Variants in CACNA1C observed in about 807,000 individuals in gnomAD.
The protein encoded by CACNA1C is calcium voltage-gated channel subunit alpha1 C.
In CACNA1C, 30 loss-of-function variants were observed where a neutral mutation model predicts 229.0. The ratio of observed to expected loss-of-function variants is 0.13; its 90% CI spans 0.10 to 0.18. The LOEUF is 0.18. CACNA1C is among the 10% of genes least tolerant of loss of function. The pLI is 1.00. For missense variants in CACNA1C, 1,658 were observed against 2,845.0 expected (o/e 0.58, Z 9.49); for synonymous variants, 1,114 against 1,132.5 (o/e 0.98, Z 0.33).
At chr12:2,591,571 A>G (rs904296816) in intron 18 of CACNA1C, among the ~76,000 whole-genome samples, 2 of 152,114 alleles carry the variant, frequency 1.3e-5, no homozygotes, top group African/African-American at 4.8e-5. Context: ...GGAAAGTTGG[A>G]AGGAGGATGC....
intron 3 of CACNA1C, among the ~76,000 whole-genome samples, chr12:2,196,624 A>G (rs555359720): frequency 6.6e-6 from 1 of 152,344 alleles, no homozygotes; most frequent in South Asian, 2.1e-4. Context: ...GCAAATGGAT[A>G]ATGTAGAATT....
intron 13 of CACNA1C, among the ~76,000 whole-genome samples, chr12:2,572,655 CCT>C (rs2056336400): frequency 7.2e-6 from 1 of 138,762 alleles, no homozygotes; most frequent in Admixed American, 7.3e-5. Flanking sequence ...TCTTCCTCCT[CCT>C]CTCTTCCTCC....
chr12:2,086,026 G>A (rs1365941496), intron 1 of CACNA1C, among the ~76,000 whole-genome samples: 1 of 152,114 alleles, frequency 6.6e-6, no homozygotes, highest in Non-Finnish European at 1.5e-5. Context: ...CCCCTCCTTT[G>A]GGACTTCTTC....
intron 18 of CACNA1C, 112 bp from the exon 19 acceptor site, chr12:2,593,101 G>T: frequency 8.2e-7 from 1 of 1,212,564 alleles, no homozygotes; most frequent in Non-Finnish European, 1.1e-6. Flanking sequence ...GTCTTGGTTG[G>T]TACCCTACAT....
intron 3 of CACNA1C, among the ~76,000 whole-genome samples, chr12:2,228,022 G>A (rs1302796626): frequency 6.6e-6 from 1 of 152,180 alleles, no homozygotes; most frequent in East Asian, 1.9e-4. Flanking sequence ...GATGTCCTTA[G>A]GTGGTGGGCT....
intron 3 of CACNA1C, among the ~76,000 whole-genome samples, chr12:2,230,353 A>T (rs763726280): frequency 6.6e-6 from 1 of 152,150 alleles, no homozygotes; most frequent in Admixed American, 6.5e-5. Context: ...GTGGCGCGCA[A>T]GGTGCCTTGT....
chr12:2,324,987 GAGAGGTTAAATGACTGACAAA>G (rs1271021064), intron 3 of CACNA1C, among the ~76,000 whole-genome samples: 1 of 152,230 alleles, frequency 6.6e-6, no homozygotes, highest in African/African-American at 2.4e-5. Context: ...CTGAGGCTCA[GAGAGGTTAAATGACTGACAAA>G]AGAGGTTAAA....
chr12:2,543,875 A>G (rs989087730), intron 9 of CACNA1C, among the ~76,000 whole-genome samples: 1 of 152,206 alleles, frequency 6.6e-6, no homozygotes, highest in African/African-American at 2.4e-5. Context: ...CCAAAAGCTG[A>G]ATAATGCTTC....
intron 3 of CACNA1C, among the ~76,000 whole-genome samples, chr12:2,436,232 G>T (rs769330943): frequency 2.9e-4 from 44 of 152,340 alleles, no homozygotes; most frequent in Non-Finnish European, 5.7e-4. Flanking sequence ...TGAGACTCTG[G>T]AAAGTTCCTT....
chr12:2,572,813 TCTC>T (rs1265166936), intron 13 of CACNA1C, among the ~76,000 whole-genome samples: 7 of 87,094 alleles, frequency 8.0e-5, no homozygotes, highest in African/African-American at 2.7e-4. Flanking sequence ...CTCCTTCTCC[TCTC>T]CTCCTCCTCC....
chr12:2,046,295 T>G (rs1054408340), intron 1 of CACNA1C, among the ~76,000 whole-genome samples: 13 of 152,150 alleles, frequency 8.5e-5, no homozygotes, highest in Non-Finnish European at 2.9e-5. Context: ...TGGTTCCTTC[T>G]GGGGGTCAGC....
intron 1 of CACNA1C, among the ~76,000 whole-genome samples, chr12:2,070,947 TTCCC>T (rs200622870): frequency 0.026 from 3,264 of 125,578 alleles, 131 homozygotes; most frequent in African/African-American, 0.078. Flanking sequence ...CCCTTTCCCC[TTCCC>T]TCCCTCCCTC....
chr12:2,053,080 G>A lies in CACNA1C; in HGVS notation c.-483G>A, dbSNP rs1442620917. ...CGGAGCGGCGGCGGCGGCTCTTCCT[G>A]CCTCCGCGCCCAGGAGTTGCCGGCT... is the stretch of plus-strand genomic sequence containing the variant. On this transcript the variant is annotated 5_prime_UTR_variant, in exon 1 of 47. Transcript: ENST00000399655. This position sits in a 1 kb window ranked among gnomAD's most constrained non-coding sequence, Gnocchi z 5.8. The A allele has an allele frequency of 2.2e-5, 22 of 984,364 alleles. No homozygotes were observed. Among genetic ancestry groups the A allele is most frequent in the Non-Finnish European group, 2.4e-5 (20 of 829,390 alleles). The allele number at this position is 984,364 out of a possible 1,614,324, so 61.0% of individuals were successfully genotyped here.
chr12:2,079,784 C>G (rs141102400), intron 1 of CACNA1C, among the ~76,000 whole-genome samples: 2 of 152,268 alleles, frequency 1.3e-5, no homozygotes, highest in East Asian at 1.9e-4. Flanking sequence ...AACTCTGAAG[C>G]CTTCTTCCAC....
At chr12:2,627,284 C>T (rs747881313) in intron 29 of CACNA1C, among the ~76,000 whole-genome samples, 1 of 152,212 alleles carries the variant, frequency 6.6e-6, no homozygotes, top group East Asian at 1.9e-4. Context: ...TTAGGTGCCA[C>T]TAATTTCCAT....
In CACNA1C at chr12:2,679,851, C is replaced by G; in HGVS notation, c.5444+55C>G. On this transcript the variant is annotated intron_variant, in intron 42 of 46. Transcript: ENST00000399655. The surrounding 1 kb of genome is among the most constrained non-coding windows in gnomAD (Gnocchi z 5.5). ...CACACAGGGCCCACGTGCTGCAACCCTCAGGAGACAGTGGAGGAGACGGAG... is the reference window on the plus strand; with the variant it reads ...CACACAGGGCCCACGTGCTGCAACCGTCAGGAGACAGTGGAGGAGACGGAG... The G allele has an allele frequency of 7.8e-7, 1 of 1,284,002 alleles. No individual in the cohort carries two copies. The highest frequency in any genetic ancestry group is 1.1e-6 in the Non-Finnish European group (1 of 928,288). The allele number at this position is 1,284,002 out of a possible 1,614,324, so 79.5% of individuals were successfully genotyped here. A position where few individuals can be genotyped will look rare whatever the true frequency, so the allele number is the denominator to read the frequency against.
chr12:2,223,916 A>G (rs540756802), intron 3 of CACNA1C, among the ~76,000 whole-genome samples: 65 of 152,252 alleles, frequency 4.3e-4, no homozygotes, highest in Non-Finnish European at 7.8e-4. Flanking sequence ...TAGTTTATTT[A>G]TAGATATCCA....
chr12:2,365,761 A>G (rs762697497), intron 3 of CACNA1C, among the ~76,000 whole-genome samples: 4 of 152,250 alleles, frequency 2.6e-5, no homozygotes, highest in Non-Finnish European at 5.9e-5. Context: ...ATAAAGTACC[A>G]TAAATATGCC....
Position 2,096,711 on chromosome 12 carries a change from A to G in CACNA1C, c.50-18513A>G, listed in dbSNP as rs147636439. Among the ~76,000 whole-genome samples the G allele has an allele frequency of 3.4e-4, 52 of 152,306 alleles. No individual in the cohort carries two copies. In the East Asian group the frequency reaches 9.8e-3, roughly 29 times the overall value. Reference sequence around the variant, plus strand: ...TCTCTAGAACTTTTTGTCATTCCAAACCAAAACTTTATAACCATTAACTCC... The same window carrying G: ...TCTCTAGAACTTTTTGTCATTCCAAGCCAAAACTTTATAACCATTAACTCC... On this transcript the variant is annotated intron_variant, in intron 1 of 46. Coordinates refer to ENST00000399655, the MANE Select transcript of CACNA1C (RefSeq NM_000719.7).
Sources: gnomAD v4.1 joint callset for allele counts (sites outside exome capture counted in the v4.1 genomes callset) on GRCh38, gnomAD v4.1.1 for gene constraint, Gnocchi (gnomAD v3.1) non-coding constraint, MANE v1.5 for transcripts, NCBI Gene and HGNC (gene_info 2026-07-23, HGNC 2026-07-21) for gene names.